CTNNA3: variants seen among roughly 807,000 people sequenced by gnomAD.
CTNNA3 encodes the protein catenin alpha 3.
CTNNA3 carries 76 observed loss-of-function variants against 95.7 expected under a neutral mutation model. The ratio of observed to expected loss-of-function variants is 0.79; its 90% CI spans 0.66 to 0.96. The LOEUF (loss-of-function observed/expected upper bound fraction) is 0.96, where lower values mean the gene tolerates loss of function less well. CTNNA3 is among the 40% of genes least tolerant of loss of function. The probability of loss-of-function intolerance (pLI) is 0.00; values close to 1 mark genes in which losing one functional copy is unlikely to be tolerated. For missense variants in CTNNA3, 1,191 were observed against 1,089.8 expected (o/e 1.09, Z -1.31); for synonymous variants, 431 against 374.4 (o/e 1.15, Z -1.74).
At chr10:67,677,091 C>T (rs978298396) in intron 1 of CTNNA3, among the ~76,000 whole-genome samples, 2 of 152,140 alleles carry the variant, frequency 1.3e-5, no homozygotes, top group Non-Finnish European at 2.9e-5. Flanking sequence ...AAATTTCCTC[C>T]AGTCTCCCCA....
intron 10 of CTNNA3, among the ~76,000 whole-genome samples, chr10:66,584,054 G>A (rs1843281598): frequency 1.3e-5 from 2 of 151,586 alleles, no homozygotes; most frequent in South Asian, 4.2e-4. Flanking sequence ...AACTTAATAT[G>A]ATTTTGATTT....
chr10:66,603,410 T>C (rs924467483), intron 10 of CTNNA3, among the ~76,000 whole-genome samples: 1 of 152,060 alleles, frequency 6.6e-6, no homozygotes, highest in Non-Finnish European at 1.5e-5. Flanking sequence ...CAAAGAAAAC[T>C]GTAAAACACT....
intron 5 of CTNNA3, among the ~76,000 whole-genome samples, chr10:67,310,695 T>G (rs1840755132): frequency 6.6e-6 from 1 of 151,948 alleles, no homozygotes; most frequent in African/African-American, 2.4e-5. Context: ...GAGAGAGAAG[T>G]GAAAGCAAAG....
At chr10:67,465,337 A>C (rs570478391) in intron 5 of CTNNA3, among the ~76,000 whole-genome samples, 1 of 152,174 alleles carries the variant, frequency 6.6e-6, no homozygotes, top group African/African-American at 2.4e-5. Flanking sequence ...CTCTCATGCA[A>C]TAGAAAGATG....
At chr10:67,643,168 G>GC (rs1839595340) in intron 2 of CTNNA3, among the ~76,000 whole-genome samples, 1 of 152,202 alleles carries the variant, frequency 6.6e-6, no homozygotes, top group Non-Finnish European at 1.5e-5. Context: ...CACGTCCTTT[G>GC]TAGGGACATG....
At chr10:66,396,014 C>T (rs1006511516) in intron 11 of CTNNA3, among the ~76,000 whole-genome samples, 2 of 151,954 alleles carry the variant, frequency 1.3e-5, no homozygotes, top group Admixed American at 6.6e-5. Flanking sequence ...TTAGTTCCCA[C>T]TTGTAAGTGA....
At chr10:66,356,464 T>G (rs916427585) in intron 12 of CTNNA3, among the ~76,000 whole-genome samples, 5 of 152,040 alleles carry the variant, frequency 3.3e-5, no homozygotes, top group Non-Finnish European at 5.9e-5. Flanking sequence ...TTTTGGTAAC[T>G]GGTATTCTTT....
chr10:66,226,451 A>G (rs754139742), intron 13 of CTNNA3, among the ~76,000 whole-genome samples: 1 of 152,094 alleles, frequency 6.6e-6, no homozygotes, highest in African/African-American at 2.4e-5. Flanking sequence ...TTTGATTACT[A>G]TAGATTTGTA....
At chr10:67,053,205 C>A (rs1325370452) in intron 7 of CTNNA3, among the ~76,000 whole-genome samples, 1 of 152,142 alleles carries the variant, frequency 6.6e-6, no homozygotes, top group Non-Finnish European at 1.5e-5. Context: ...ACACAATTAA[C>A]TTTAGTACAA....
chr10:67,647,146 T>TTATATACATATA (rs1175738882), intron 2 of CTNNA3, among the ~76,000 whole-genome samples: 1 of 136,480 alleles, frequency 7.3e-6, no homozygotes, highest in African/African-American at 2.6e-5. Context: ...ACTCTGAAAA[T>TTATATACATATA]TATATATATA....
intron 12 of CTNNA3, among the ~76,000 whole-genome samples, chr10:66,323,474 T>A (rs1200655972): frequency 1.3e-5 from 2 of 151,576 alleles, no homozygotes; most frequent in East Asian, 3.9e-4. Context: ...TGAAAATTTG[T>A]CTCTACTAAA....
At chr10:66,084,154 A>AAAAAAAAAAG (rs1564627073) in intron 14 of CTNNA3, among the ~76,000 whole-genome samples, 3 of 141,338 alleles carry the variant, frequency 2.1e-5, no homozygotes, top group Non-Finnish European at 4.6e-5. Flanking sequence ...AAAAGAAAAA[A>AAAAAAAAAAG]AAAGAAAAAG....
intron 1 of CTNNA3, among the ~76,000 whole-genome samples, chr10:67,675,162 G>A (rs1477440510): frequency 6.6e-6 from 1 of 151,814 alleles, no homozygotes; most frequent in Non-Finnish European, 1.5e-5. Flanking sequence ...CTATTGGATT[G>A]TTCGTTTTTT....
chr10:67,268,230 C>T lies in CTNNA3; in HGVS notation c.580-48360G>A, dbSNP rs536854040. On this transcript the variant is annotated intron_variant, in intron 5 of 17. Transcript: ENST00000433211. ...CTTGTAAAGTCAGTATTTTGGGAGG[C>T]GAAGGCAGGAGGATTGATTGACGCC... is the stretch of plus-strand genomic sequence containing the variant. 2.6e-4 allele frequency among the ~76,000 whole-genome samples: 40 copies of T among 151,004 alleles called. 1 individual carries two copies. The highest frequency in any genetic ancestry group is 8.8e-4 in the African/African-American group (36 of 41,016).
chr10:66,650,696 C>T (rs991389638), intron 9 of CTNNA3, among the ~76,000 whole-genome samples: 2 of 152,098 alleles, frequency 1.3e-5, no homozygotes, highest in Non-Finnish European at 2.9e-5. Flanking sequence ...AAGCTGCAGA[C>T]CTTCCTGGTG....
At chr10:67,308,116 T>C (rs1282221786) in intron 5 of CTNNA3, among the ~76,000 whole-genome samples, 1 of 152,204 alleles carries the variant, frequency 6.6e-6, no homozygotes, top group African/African-American at 2.4e-5. Flanking sequence ...TAGCACATTA[T>C]AGCATTTAAT....
intron 5 of CTNNA3, among the ~76,000 whole-genome samples, chr10:67,380,664 G>A (rs547845857): frequency 1.1e-4 from 17 of 152,266 alleles, no homozygotes; most frequent in African/African-American, 3.6e-4. Flanking sequence ...ATTTGTTAAT[G>A]AGTACTAAGG....
chr10:67,005,966 G>A (rs768668114), intron 7 of CTNNA3, among the ~76,000 whole-genome samples: 4 of 151,794 alleles, frequency 2.6e-5, no homozygotes, highest in African/African-American at 7.3e-5. Context: ...GATTACAAGC[G>A]TGAGCCATCG....
At chr10:67,321,441 T>A (rs1841316221) in intron 5 of CTNNA3, among the ~76,000 whole-genome samples, 1 of 152,118 alleles carries the variant, frequency 6.6e-6, no homozygotes, top group African/African-American at 2.4e-5. Context: ...ACAGCCCGTA[T>A]CTTCAGTCAG....
Sources: gnomAD v4.1 joint callset for allele counts (sites outside exome capture counted in the v4.1 genomes callset) on GRCh38, gnomAD v4.1.1 for gene constraint, MANE v1.5 for transcripts, NCBI Gene and HGNC (gene_info 2026-07-23, HGNC 2026-07-21) for gene names.